PLCL1: variants seen among roughly 807,000 people sequenced by gnomAD.
The protein encoded by PLCL1 is inactive phospholipase C-like protein 1.
Under a neutral mutation model 84.4 loss-of-function variants are expected in PLCL1, and 41 were observed. The observed-to-expected ratio is 0.49, with a 90% CI of 0.38 to 0.63. The LOEUF (loss-of-function observed/expected upper bound fraction) is 0.63, where lower values mean the gene tolerates loss of function less well. Among genes scored for constraint, PLCL1 ranks in the 30% least tolerant of loss-of-function variants. PLCL1 has a pLI of 0.00. For synonymous variants in PLCL1, 490 were observed against 488.3 expected (o/e 1.00, Z -0.05); for missense variants, 1,206 against 1,367.8 (o/e 0.88, Z 1.87).
intron 1 of PLCL1, among the ~76,000 whole-genome samples, chr2:197,865,739 A>G (rs1687516139): frequency 6.6e-6 from 1 of 151,876 alleles, no homozygotes; most frequent in African/African-American, 2.4e-5. Context: ...TAAGCTGGAC[A>G]TAGTGGCTCA....
chr2:198,080,609 T>C (rs945437812), intron 1 of PLCL1, among the ~76,000 whole-genome samples: 1 of 152,210 alleles, frequency 6.6e-6, no homozygotes, highest in Non-Finnish European at 1.5e-5. Context: ...GACATTGTCC[T>C]TTCCTATGAC....
At chr2:198,123,949 C>T (rs1693929522) in intron 5 of PLCL1, among the ~76,000 whole-genome samples, 1 of 152,044 alleles carries the variant, frequency 6.6e-6, no homozygotes, top group Non-Finnish European at 1.5e-5. Context: ...TACCTGGTGC[C>T]AAAAAGGTTG....
intron 1 of PLCL1, among the ~76,000 whole-genome samples, chr2:198,081,822 C>T (rs1030214070): frequency 6.6e-6 from 1 of 152,050 alleles, no homozygotes; most frequent in Non-Finnish European, 1.5e-5. Context: ...GATAGGCAAG[C>T]TTCTGTAGGC....
At position 197,923,373 on chromosome 2, in the gene PLCL1, C is replaced by T. The variant is rs1392205877; in HGVS notation, c.240+118034C>T. On this transcript the variant is annotated intron_variant, in intron 1 of 5. Transcript: ENST00000428675. ...CTCACTTCTCAGACGGGGCAGCTGC[C>T]GGTCGGAGGGTCTCCTCACTTCTCA... is the stretch of plus-strand genomic sequence containing the variant. Among the ~76,000 whole-genome samples the T allele has an allele frequency of 3.4e-5, 5 of 145,778 alleles. No individual in the cohort carries two copies. The East Asian group carries it at 6.6e-4, about 19-fold the overall frequency.
At chr2:198,019,681 T>G (rs1396576406) in intron 1 of PLCL1, among the ~76,000 whole-genome samples, 1 of 151,840 alleles carries the variant, frequency 6.6e-6, no homozygotes, top group African/African-American at 2.4e-5. Flanking sequence ...AAGACAAGAT[T>G]AGAGAAAGAA....
At chr2:197,904,003 A>G (rs954809255) in intron 1 of PLCL1, among the ~76,000 whole-genome samples, 7 of 146,520 alleles carry the variant, frequency 4.8e-5, no homozygotes, top group African/African-American at 1.8e-4. Flanking sequence ...GTGTTTCACC[A>G]TGTTGGCCAG....
At chr2:197,936,138 C>CCG (rs1024294554) in intron 1 of PLCL1, among the ~76,000 whole-genome samples, 1 of 146,418 alleles carries the variant, frequency 6.8e-6, no homozygotes, top group Non-Finnish European at 1.5e-5. Context: ...AACACCCCCC[C>CCG]CCTCACATTT....
At chr2:197,996,951 A>G (rs900750102) in intron 1 of PLCL1, among the ~76,000 whole-genome samples, 3 of 152,186 alleles carry the variant, frequency 2.0e-5, no homozygotes, top group African/African-American at 7.2e-5. Context: ...CCACATTTTG[A>G]ATGAGTTTTG....
At chr2:197,990,925 A>T (rs1350389535) in intron 1 of PLCL1, among the ~76,000 whole-genome samples, 1 of 152,190 alleles carries the variant, frequency 6.6e-6, no homozygotes, top group African/African-American at 2.4e-5. Context: ...TAGAATATGG[A>T]TAATTAAATT....
chr2:197,990,723 A>C (rs1197233053), intron 1 of PLCL1, among the ~76,000 whole-genome samples: 1 of 152,160 alleles, frequency 6.6e-6, no homozygotes, highest in Admixed American at 6.5e-5. Context: ...ATGAGATTTG[A>C]GTGGGGACAC....
intron 1 of PLCL1, among the ~76,000 whole-genome samples, chr2:198,079,951 C>T (rs1233431567): frequency 6.6e-6 from 1 of 152,178 alleles, no homozygotes; most frequent in Admixed American, 6.5e-5. Flanking sequence ...TTGTAAGCTG[C>T]TCAAAGAGAG....
chr2:198,114,835 A>G (rs190705358), intron 5 of PLCL1, among the ~76,000 whole-genome samples: 101 of 151,828 alleles, frequency 6.7e-4, no homozygotes, highest in African/African-American at 2.3e-3. Flanking sequence ...ATATATACAT[A>G]TACATATATA....
chr2:198,133,055 A>G (rs998640179), intron 5 of PLCL1, among the ~76,000 whole-genome samples: 4 of 151,912 alleles, frequency 2.6e-5, no homozygotes, highest in Middle Eastern at 3.2e-3. Flanking sequence ...ATGGCTAGCC[A>G]GTTTTCCCAG....
intron 3 of PLCL1, 21 bp downstream of exon 3, chr2:198,089,082 A>T: frequency 6.3e-7 from 1 of 1,575,240 alleles, no homozygotes. Context: ...GCGACTCCAT[A>T]TTTTTTTACG....
intron 1 of PLCL1, among the ~76,000 whole-genome samples, chr2:197,826,912 T>A (rs535538911): frequency 1.3e-5 from 2 of 152,312 alleles, no homozygotes; most frequent in South Asian, 2.1e-4. Context: ...ATAGCACCAC[T>A]ATCCTCAGTT....
intron 1 of PLCL1, among the ~76,000 whole-genome samples, chr2:197,996,155 A>G (rs1389004478): frequency 6.6e-6 from 1 of 152,000 alleles, no homozygotes; most frequent in Non-Finnish European, 1.5e-5. Context: ...ATGGAAGGAG[A>G]TGATGAATTC....
intron 1 of PLCL1, among the ~76,000 whole-genome samples, chr2:197,891,930 T>C (rs1423571447): frequency 6.6e-6 from 1 of 151,886 alleles, no homozygotes; most frequent in African/African-American, 2.4e-5. Flanking sequence ...TACACAGGAG[T>C]AGATGTGCCA....
At chr2:197,844,787 CTG>C (rs1404695380) in intron 1 of PLCL1, among the ~76,000 whole-genome samples, 2 of 152,072 alleles carry the variant, frequency 1.3e-5, no homozygotes, top group East Asian at 1.9e-4. Context: ...GGATTAAACT[CTG>C]TGTTCTGTTC....
At chr2:198,134,940 G>A (rs919364729) in intron 5 of PLCL1, among the ~76,000 whole-genome samples, 22 of 152,070 alleles carry the variant, frequency 1.4e-4, no homozygotes, top group East Asian at 7.7e-4. Flanking sequence ...CTTTTTGGAC[G>A]GATCAAGTAA....
Sources: gnomAD v4.1 joint callset for allele counts (sites outside exome capture counted in the v4.1 genomes callset) on GRCh38, gnomAD v4.1.1 for gene constraint, MANE v1.5 for transcripts, NCBI Gene and HGNC (gene_info 2026-07-23, HGNC 2026-07-21) for gene names.